The following CCDC102B variants were observed in gnomAD, a reference collection of about 807,000 sequenced individuals.
CCDC102B encodes the protein coiled-coil domain containing 102B, also known as coiled-coil domain-containing protein 102B.
In CCDC102B, 75 loss-of-function variants were observed where a neutral mutation model predicts 57.4. The ratio of observed to expected loss-of-function variants is 1.31; its 90% CI spans 1.08 to 1.58. The LOEUF (loss-of-function observed/expected upper bound fraction) is 1.58. Ranked by LOEUF, CCDC102B falls within the 40% of genes most tolerant of loss-of-function variation. CCDC102B has a pLI of 0.00. For synonymous variants in CCDC102B, 206 were observed against 201.9 expected (o/e 1.02, Z -0.17); for missense variants, 636 against 582.6 (o/e 1.09, Z -0.94).
In CCDC102B at chr18:68,723,734, T is replaced by A. The variant is rs545680724; in HGVS notation, c.-67+7140T>A. On this transcript the variant is annotated intron_variant, in intron 2 of 3. Transcript: ENST00000578970. ...CTTTGCAGGGTACATACAGCCCCAC[T>A]CCTGGCTGCTTTCACAGGCTGGTGT... is the stretch of plus-strand genomic sequence containing the variant. 9.2e-5 allele frequency among the ~76,000 whole-genome samples: 14 copies of A among 152,312 alleles called. No individual in the cohort carries two copies. In the East Asian group the frequency reaches 1.7e-3, roughly 19 times the overall value.
Position 68,790,115 on chromosome 18 carries a change from G to A in CCDC102B, c.-66-33251G>A, listed in dbSNP as rs1239267773. The stretch of plus-strand genomic sequence containing the variant: ...TGTGAGGTGTCAGTCTGCCCCTGCT[G>A]GGGGGTGCCTCCCAGTTAGGCTGCT... On this transcript the variant is annotated intron_variant, in intron 2 of 3. Coordinates refer to the CCDC102B transcript ENST00000578970. Among the ~76,000 whole-genome samples, 3 of 149,362 alleles carry A rather than the reference G, an allele frequency of 2.0e-5. 1 individual carries two copies. The highest frequency in any genetic ancestry group is 7.6e-5 in the African/African-American group (3 of 39,484).
At chr18:68,824,770 C>T (rs9951302) in intron 1 of CCDC102B, among the ~76,000 whole-genome samples, 1,867 of 152,202 alleles carry the variant, frequency 0.012, 38 homozygotes, top group African/African-American at 0.043. Flanking sequence ...TTCTGTTAAG[C>T]CAAAGTCTCT....
intron 2 of CCDC102B, among the ~76,000 whole-genome samples, chr18:68,786,983 T>C (rs1427503125): frequency 6.6e-6 from 1 of 152,156 alleles, no homozygotes; most frequent in African/African-American, 2.4e-5. Flanking sequence ...ATGGCTCTTA[T>C]TATTTTGAGA....
At chr18:68,841,907 T>G (rs2037650713) in intron 3 of CCDC102B, among the ~76,000 whole-genome samples, 1 of 152,020 alleles carries the variant, frequency 6.6e-6, no homozygotes, top group South Asian at 2.1e-4. Context: ...AATTTTTTAT[T>G]TTTTTATTTT....
intron 7 of CCDC102B, among the ~76,000 whole-genome samples, chr18:69,024,162 T>C (rs772299768): frequency 2.0e-5 from 3 of 152,108 alleles, no homozygotes; most frequent in Non-Finnish European, 2.9e-5. Flanking sequence ...TAGATTTAAA[T>C]GTTTTCTAAC....
intron 1 of CCDC102B, among the ~76,000 whole-genome samples, chr18:68,813,408 A>G (rs8098567): frequency 0.21 from 31,678 of 151,614 alleles, 3,459 homozygotes; most frequent in East Asian, 0.4. Flanking sequence ...GAGACGATAG[A>G]ATGATAGGGG....
chr18:68,958,287 A>G (rs988983562), intron 6 of CCDC102B, among the ~76,000 whole-genome samples: 3 of 152,154 alleles, frequency 2.0e-5, no homozygotes, highest in South Asian at 4.1e-4. Context: ...CTAATAAAGG[A>G]TGTTGAATTA....
intron 6 of CCDC102B, among the ~76,000 whole-genome samples, chr18:68,970,274 G>A (rs564803771): frequency 6.6e-6 from 1 of 152,014 alleles, no homozygotes; most frequent in East Asian, 1.9e-4. Context: ...GAAGAATATA[G>A]CTGAGACTGT....
intron 6 of CCDC102B, among the ~76,000 whole-genome samples, chr18:68,984,707 A>G (rs1436893054): frequency 2.0e-5 from 3 of 152,138 alleles, no homozygotes; most frequent in Admixed American, 6.6e-5. Flanking sequence ...TTGGATTTCA[A>G]TGCTTCTCTT....
chr18:68,824,578 G>C (rs1568270794), intron 1 of CCDC102B, among the ~76,000 whole-genome samples: 2 of 152,162 alleles, frequency 1.3e-5, no homozygotes, highest in Admixed American at 1.3e-4. Flanking sequence ...TCCTCGTCTT[G>C]TTCCAGTTCT....
intron 2 of CCDC102B, among the ~76,000 whole-genome samples, chr18:68,722,594 A>G (rs1309051579): frequency 6.6e-6 from 1 of 152,224 alleles, no homozygotes; most frequent in East Asian, 1.9e-4. Context: ...TAAATTTAAA[A>G]AAGAAAAGGT....
intron 2 of CCDC102B, among the ~76,000 whole-genome samples, chr18:68,733,506 A>ATATATATATATATATATATT (rs1286743067): frequency 3.4e-5 from 3 of 87,618 alleles, no homozygotes; most frequent in African/African-American, 1.7e-4. Context: ...ATATATATAT[A>ATATATATATATATATATATT]TTTTTTTAAC....
At chr18:68,845,875 ATTGTTAGGTGGC>A (rs2037833525) in intron 3 of CCDC102B, among the ~76,000 whole-genome samples, 1 of 151,780 alleles carries the variant, frequency 6.6e-6, no homozygotes, top group South Asian at 2.1e-4. Context: ...ATTTTTTAAG[ATTGTTAGGTGGC>A]TTGTTGGAAT....
At chr18:69,051,980 A>C (rs1568151839) in intron 7 of CCDC102B, among the ~76,000 whole-genome samples, 1 of 151,932 alleles carries the variant, frequency 6.6e-6, no homozygotes, top group Non-Finnish European at 1.5e-5. Context: ...TACAAGTCCC[A>C]ACTGTAGGAG....
chr18:68,937,062 G>T (rs888527674), intron 6 of CCDC102B, among the ~76,000 whole-genome samples: 2 of 151,832 alleles, frequency 1.3e-5, no homozygotes, highest in South Asian at 2.1e-4. Context: ...TGTTTAATAT[G>T]TGTTTCTGTT....
chr18:68,814,485 G>T (rs2036400797), intron 1 of CCDC102B, among the ~76,000 whole-genome samples: 1 of 152,030 alleles, frequency 6.6e-6, no homozygotes, highest in Non-Finnish European at 1.5e-5. Flanking sequence ...AGAAATGTAG[G>T]TTAGTTCTTC....
chr18:68,923,432 A>G (rs2041358683), intron 6 of CCDC102B, among the ~76,000 whole-genome samples: 1 of 151,960 alleles, frequency 6.6e-6, no homozygotes, highest in Non-Finnish European at 1.5e-5. Context: ...TACTGAAATC[A>G]ATTTAATAAA....
chr18:68,836,576 C>T (rs28662903), intron 1 of CCDC102B, among the ~76,000 whole-genome samples, 173 bp from the exon 2 acceptor site: 1,829 of 134,008 alleles, frequency 0.014, 37 homozygotes, highest in African/African-American at 0.049. Context: ...TGCAGTGAGC[C>T]GAGATCATGC....
At position 68,763,683 on chromosome 18, in the gene CCDC102B, A is replaced by T. The variant is rs553597371; in HGVS notation, c.-67+47089A>T. Among the ~76,000 whole-genome samples the T allele has an allele frequency of 6.5e-5, 9 of 138,124 alleles. No individual in the cohort carries two copies. In the South Asian group the frequency reaches 1.7e-3, roughly 27 times the overall value. The allele number at this position is 138,124 out of a possible 152,430, so 90.6% of individuals were successfully genotyped here. On this transcript the variant is annotated intron_variant, in intron 2 of 3. Transcript: ENST00000578970. ...TATTCTGTATTGAGGAATATTTGTTAAACAAATATTCCTCAATACAGACAA... is the reference window on the plus strand; with the variant it reads ...TATTCTGTATTGAGGAATATTTGTTTAACAAATATTCCTCAATACAGACAA...
Sources: allele counts gnomAD v4.1 joint callset (sites outside exome capture counted in the v4.1 genomes callset), GRCh38; gene constraint gnomAD v4.1.1; transcripts MANE v1.5; gene names NCBI Gene and HGNC (gene_info 2026-07-23, HGNC 2026-07-21).